PIK3AP1: variants seen among roughly 807,000 people sequenced by gnomAD.
PIK3AP1 encodes phosphoinositide 3-kinase adapter protein 1.
A neutral mutation model predicts 88.1 loss-of-function variants in PIK3AP1; 21 were observed. The observed-to-expected ratio is 0.24, with a 90% confidence interval of 0.17 to 0.34. The LOEUF (loss-of-function observed/expected upper bound fraction) is 0.34, where lower values mean the gene tolerates loss of function less well. Ranked by LOEUF, PIK3AP1 falls within the 10% of genes least tolerant of loss-of-function variation. The probability of loss-of-function intolerance (pLI) is 1.00; values close to 1 mark genes in which losing one functional copy is unlikely to be tolerated. For synonymous variants in PIK3AP1, 398 were observed against 400.0 expected (o/e 1.00, Z 0.06); for missense variants, 828 against 1,035.7 (o/e 0.80, Z 2.75).
chr10:96,608,872 T>C (rs1165878358), intron 14 of PIK3AP1, among the ~76,000 whole-genome samples: 1 of 152,258 alleles, frequency 6.6e-6, no homozygotes, highest in African/African-American at 2.4e-5. Flanking sequence ...GCTCTCTGGC[T>C]CTTTTATTGC....
intron 2 of PIK3AP1, among the ~76,000 whole-genome samples, chr10:96,679,365 T>TA (rs879521523): frequency 2.0e-5 from 3 of 151,946 alleles, no homozygotes; most frequent in Non-Finnish European, 4.4e-5. Context: ...CCGCCTCTAC[T>TA]AAAAATACAA....
intron 7 of PIK3AP1, among the ~76,000 whole-genome samples, 173 bp from the exon 8 acceptor site, chr10:96,645,835 C>A (rs563550957): frequency 6.6e-6 from 1 of 152,322 alleles, no homozygotes; most frequent in East Asian, 1.9e-4. Context: ...TGAGGCCAGG[C>A]TTCCCACCTT....
At chr10:96,608,780 G>A (rs1259355044) in intron 14 of PIK3AP1, among the ~76,000 whole-genome samples, 3 of 152,224 alleles carry the variant, frequency 2.0e-5, no homozygotes, top group Admixed American at 1.3e-4. Context: ...AACCCCCAGA[G>A]TTAGATAACC....
intron 2 of PIK3AP1, among the ~76,000 whole-genome samples, chr10:96,703,890 A>C (rs971046768): frequency 1.3e-5 from 2 of 152,234 alleles, no homozygotes; most frequent in Non-Finnish European, 2.9e-5. Flanking sequence ...ACAGATGAAG[A>C]ACTTGGAAAA....
At chr10:96,633,659 C>A (rs985528321) in intron 8 of PIK3AP1, among the ~76,000 whole-genome samples, 1 of 152,208 alleles carries the variant, frequency 6.6e-6, no homozygotes, top group Non-Finnish European at 1.5e-5. Context: ...ATTTACACTT[C>A]TTTAAACAGG....
Position 96,641,506 on chromosome 10 carries a change from G to T in PIK3AP1, c.1375+3967C>A, listed in dbSNP as rs201135537. On this transcript the variant is annotated intron_variant, in intron 8 of 16. Transcript: ENST00000339364. ...TAATATGGTTATTTTCAGCCTCCAG[G>T]GTTACCACAGTCAATGGTGGGGCAC... Among the ~76,000 whole-genome samples the T allele has an allele frequency of 1.1e-4, 17 of 152,214 alleles. No homozygotes were observed. In the East Asian group the frequency reaches 3.3e-3, roughly 29 times the overall value.
At chr10:96,713,856 A>G (rs1291772942) in intron 1 of PIK3AP1, among the ~76,000 whole-genome samples, 1 of 152,122 alleles carries the variant, frequency 6.6e-6, no homozygotes, top group Non-Finnish European at 1.5e-5. Context: ...ACAGCACATC[A>G]TAATACTTGC....
chr10:96,652,942 G>A (rs1381728116), intron 3 of PIK3AP1, 100 bp from the exon 4 acceptor site: 20 of 1,362,306 alleles, frequency 1.5e-5, no homozygotes, highest in Non-Finnish European at 1.9e-5. Flanking sequence ...GCTCTACCTA[G>A]TGAGAATCTC....
At chr10:96,673,503 C>G (rs143744639) in intron 2 of PIK3AP1, among the ~76,000 whole-genome samples, 25 of 152,292 alleles carry the variant, frequency 1.6e-4, no homozygotes, top group African/African-American at 4.1e-4. Context: ...CACAGCCCCC[C>G]CCGAAAGGCT....
At chr10:96,692,992 C>T (rs1844173841) in intron 2 of PIK3AP1, among the ~76,000 whole-genome samples, 1 of 152,184 alleles carries the variant, frequency 6.6e-6, no homozygotes, top group Non-Finnish European at 1.5e-5. Context: ...GCCATTCCTG[C>T]CATTGTTGCA....
chr10:96,691,531 T>G (rs2134274296), intron 2 of PIK3AP1, among the ~76,000 whole-genome samples: 1 of 152,308 alleles, frequency 6.6e-6, no homozygotes, highest in Middle Eastern at 3.4e-3. Flanking sequence ...GCTTGGGACC[T>G]AATTGCAATA....
At chr10:96,616,802 G>A in intron 12 of PIK3AP1, 91 bp from the exon 13 acceptor site, 1 of 1,236,612 alleles carries the variant, frequency 8.1e-7, no homozygotes, top group Non-Finnish European at 1.2e-6. Context: ...GCTGTTTGCA[G>A]GGTATATCAC....
At chr10:96,634,015 G>A (rs1431549491) in intron 8 of PIK3AP1, among the ~76,000 whole-genome samples, 1 of 152,166 alleles carries the variant, frequency 6.6e-6, no homozygotes, top group Non-Finnish European at 1.5e-5. Flanking sequence ...CTGCCACTGT[G>A]GTCCAGACCA....
intron 11 of PIK3AP1, among the ~76,000 whole-genome samples, chr10:96,622,406 T>G (rs979141863): frequency 6.6e-6 from 1 of 152,186 alleles, no homozygotes; most frequent in African/African-American, 2.4e-5. Flanking sequence ...CAAGGCTATT[T>G]GGATCTAAAT....
chr10:96,612,799 T>G (rs1343248227), intron 13 of PIK3AP1, among the ~76,000 whole-genome samples: 1 of 151,410 alleles, frequency 6.6e-6, no homozygotes, highest in Non-Finnish European at 1.5e-5. Flanking sequence ...CTGTCTCACT[T>G]CTCCATCCCC....
chr10:96,632,448 A>G (rs952352024), intron 8 of PIK3AP1, among the ~76,000 whole-genome samples: 1 of 151,552 alleles, frequency 6.6e-6, no homozygotes, highest in African/African-American at 2.4e-5. Context: ...AGGAACCACT[A>G]TAGCAAAACT....
At position 96,627,794 on chromosome 10, in the gene PIK3AP1, T is replaced by C. The variant is rs149051029; in HGVS notation, c.1471+604A>G. Among the ~76,000 whole-genome samples the C allele has an allele frequency of 3.2e-4, 48 of 152,348 alleles. No individual in the cohort carries two copies. The East Asian group carries it at 5.0e-3, about 16-fold the overall frequency. On this transcript the variant is annotated intron_variant, in intron 9 of 16. Transcript: ENST00000339364. ...CTGCTTGTTATGTGCATGGTGGTGCTCTGAGACCTAATGCATAATAACTCA... is the reference window on the plus strand; with the variant it reads ...CTGCTTGTTATGTGCATGGTGGTGCCCTGAGACCTAATGCATAATAACTCA...
At chr10:96,687,932 G>A (rs1844096499) in intron 2 of PIK3AP1, among the ~76,000 whole-genome samples, 1 of 152,188 alleles carries the variant, frequency 6.6e-6, no homozygotes, top group African/African-American at 2.4e-5. Flanking sequence ...CATCTGGGTA[G>A]GCAACGGTTG....
intron 1 of PIK3AP1, among the ~76,000 whole-genome samples, chr10:96,718,332 A>C (rs1844529210): frequency 6.6e-6 from 1 of 152,266 alleles, no homozygotes; most frequent in South Asian, 2.1e-4. Flanking sequence ...TGCTTTTAAA[A>C]GAAAAGAAGA....
Sources: allele counts gnomAD v4.1 joint callset (sites outside exome capture counted in the v4.1 genomes callset), GRCh38; gene constraint gnomAD v4.1.1; transcripts MANE v1.5; gene names NCBI Gene and HGNC (gene_info 2026-07-23, HGNC 2026-07-21).